CXADR: variants seen among roughly 807,000 people sequenced by gnomAD.
The protein encoded by CXADR is coxsackievirus and adenovirus receptor.
Under a neutral mutation model 40.3 loss-of-function variants are expected in CXADR, and 20 were observed. That is an observed-to-expected ratio of 0.50 (90% CI 0.35 to 0.72). The LOEUF (loss-of-function observed/expected upper bound fraction) is 0.72. CXADR is among the 30% of genes least tolerant of loss of function. The probability of loss-of-function intolerance (pLI) is 0.01; values close to 1 mark genes in which losing one functional copy is unlikely to be tolerated. For synonymous variants in CXADR, 150 were observed against 161.3 expected, an observed-to-expected ratio of 0.93 and a Z score of 0.53; for missense variants, 332 against 449.1, an observed-to-expected ratio of 0.74 and a Z score of 2.36.
chr21:17,599,016 G>C, the CXADR span: 1 of 496,328 alleles, frequency 2.0e-6, no homozygotes, highest in Non-Finnish European at 3.5e-6. Context: ...TTCTACTTCT[G>C]GTCTATTTAA....
At chr21:17,517,675 A>G (rs2123100214) in intron 1 of CXADR, among the ~76,000 whole-genome samples, 1 of 151,686 alleles carries the variant, frequency 6.6e-6, no homozygotes, top group South Asian at 2.1e-4. Context: ...TCGGGGAGAA[A>G]TAAAAAGTTG....
intron 1 of CXADR, among the ~76,000 whole-genome samples, chr21:17,535,746 C>T (rs2060746780): frequency 6.6e-6 from 1 of 152,192 alleles, no homozygotes; most frequent in African/African-American, 2.4e-5. Context: ...TTGGCTTACA[C>T]CTGTACTCCC....
chr21:17,514,691 T>G (rs1001440845), intron 1 of CXADR, among the ~76,000 whole-genome samples: 5 of 151,614 alleles, frequency 3.3e-5, no homozygotes, highest in Non-Finnish European at 7.4e-5. Flanking sequence ...TGGAGTGCAA[T>G]GGCGTGATCT....
chr21:17,560,880 CT>C, intron 5 of CXADR, 56 bp downstream of exon 5: 1 of 1,599,692 alleles, frequency 6.3e-7, no homozygotes, highest in African/African-American at 1.3e-5. Flanking sequence ...ATACCACCTC[CT>C]TTAGTTCAGT....
chr21:17,596,114 A>C (rs1200092681), downstream of CXADR, among the ~76,000 whole-genome samples: 2 of 151,958 alleles, frequency 1.3e-5, no homozygotes, highest in Non-Finnish European at 2.9e-5. Flanking sequence ...GGATATGCCC[A>C]TTATTTTTCA....
intron 7 of CXADR, among the ~76,000 whole-genome samples, chr21:17,591,843 C>G (rs1385114985): frequency 6.6e-6 from 1 of 151,896 alleles, no homozygotes; most frequent in African/African-American, 2.4e-5. Context: ...GTCATAATTA[C>G]TACTAAAAAA....
At chr21:17,633,654 A>C in the CXADR span, among the ~76,000 whole-genome samples, 1 of 152,322 alleles carries the variant, frequency 6.6e-6, no homozygotes, top group Non-Finnish European at 1.5e-5. Context: ...GCGTAATTAG[A>C]CAGCCTTTGT....
rs2061231232 is a variant in CXADR, at chr21:17,567,854, TTTCC to T, written c.*2169_*2172del. ...CATAGAAAGTGGACACGTATAAGACTTTCCTTCCTTTTTTTTTTTAATAACATAT... is the reference window on the plus strand; with the variant it reads ...CATAGAAAGTGGACACGTATAAGACTTTCCTTTTTTTTTTTAATAACATAT... On this transcript the variant is annotated 3_prime_UTR_variant, in exon 7 of 7. Coordinates refer to ENST00000284878, the MANE Select transcript of CXADR (RefSeq NM_001338.5). 4.3e-6 allele frequency: 4 copies of T among 933,604 alleles called. No individual in the cohort carries two copies. The highest frequency in any genetic ancestry group is 8.9e-5 in the Admixed American group (1 of 11,264). The allele number at this position is 933,604 out of a possible 1,614,324, so 57.8% of individuals were successfully genotyped here.
the CXADR span, among the ~76,000 whole-genome samples, chr21:17,634,029 C>T: frequency 3.9e-5 from 6 of 152,190 alleles, no homozygotes; most frequent in Non-Finnish European, 7.3e-5. Flanking sequence ...CTTACAACAA[C>T]GTGAGACTAG....
the CXADR span, chr21:17,605,113 T>C: frequency 5.2e-5 from 60 of 1,160,398 alleles, no homozygotes; most frequent in Non-Finnish European, 6.8e-5. Context: ...AATACCCTGG[T>C]AGAGAACCTA....
At chr21:17,545,817 T>C (rs1046436421) in intron 1 of CXADR, among the ~76,000 whole-genome samples, 63 of 151,342 alleles carry the variant, frequency 4.2e-4, no homozygotes, top group African/African-American at 1.4e-3. Context: ...TTCACTGTTA[T>C]TGCCCAGGCT....
intron 7 of CXADR, among the ~76,000 whole-genome samples, chr21:17,581,534 C>G (rs2061359490): frequency 6.6e-6 from 1 of 152,108 alleles, no homozygotes; most frequent in Non-Finnish European, 1.5e-5. Flanking sequence ...AGTTGAGCAT[C>G]TTTTTCTTTG....
chr21:17,592,359 GATA>G (rs1429376055), intron 7 of CXADR, among the ~76,000 whole-genome samples: 2 of 151,408 alleles, frequency 1.3e-5, no homozygotes, highest in African/African-American at 4.9e-5. Context: ...TTTAAATCTA[GATA>G]ATACCTAATG....
At position 17,568,743 on chromosome 21, in the gene CXADR, G is replaced by C. The variant is rs2824364; in HGVS notation, c.*3051G>C. 7,739 of 984,634 alleles carry C rather than the reference G, an allele frequency of 7.9e-3. 467 individuals carry two copies. The African/African-American group carries it at 0.13, about 16-fold the overall frequency. The allele number at this position is 984,634 out of a possible 1,614,324, so 61.0% of individuals were successfully genotyped here. A position where few individuals can be genotyped will look rare whatever the true frequency, so the allele number is the denominator to read the frequency against. On this transcript the variant is annotated 3_prime_UTR_variant, in exon 7 of 7. Transcript: ENST00000284878. ...TTACAGCTATTTTTTTTTCTTACTG[G>C]TAATCTTAACTAATATGATTCCCTT...
At chr21:17,514,347 A>G (rs988246602) in intron 1 of CXADR, among the ~76,000 whole-genome samples, 3 of 152,026 alleles carry the variant, frequency 2.0e-5, no homozygotes, top group Non-Finnish European at 4.4e-5. Flanking sequence ...TTCTATTAGC[A>G]AGTCTAATCT....
chr21:17,576,285 A>G (rs1427994604), intron 7 of CXADR, among the ~76,000 whole-genome samples: 1 of 151,752 alleles, frequency 6.6e-6, no homozygotes, highest in Non-Finnish European at 1.5e-5. Context: ...GGAGATAGCC[A>G]GCTCTGGTTC....
chr21:17,623,285 C>A, the CXADR span, among the ~76,000 whole-genome samples: 29,674 of 151,814 alleles, frequency 0.2, 3,479 homozygotes, highest in African/African-American at 0.31. Flanking sequence ...TTATTCTGGA[C>A]CCTTTATTTC....
In CXADR at chr21:17,513,059, GGC is replaced by G. The variant is rs2060410168; in HGVS notation, c.-67_-66del. 4 of 1,298,858 alleles carry G rather than the reference GGC, an allele frequency of 3.1e-6. No homozygotes were observed. Among genetic ancestry groups the G allele is most frequent in the Non-Finnish European group, 3.9e-6 (4 of 1,013,642 alleles). 80.5% of individuals were successfully genotyped at this position (1,298,858 alleles called of 1,614,324 possible). On this transcript the variant is annotated 5_prime_UTR_variant, in exon 1 of 7. Coordinates refer to ENST00000284878, the MANE Select transcript of CXADR (RefSeq NM_001338.5). ...CCGCGAGCCAGTCGGGAGCGCGCGA[GGC>G]GCGGGGAGCCTGGGACCAGGAGCGA...
the CXADR span, among the ~76,000 whole-genome samples, chr21:17,618,026 G>A: frequency 1.3e-5 from 2 of 152,142 alleles, no homozygotes; most frequent in Admixed American, 1.3e-4. Flanking sequence ...AATGTTCGTA[G>A]CATCTTCACT....
Sources: allele counts gnomAD v4.1 joint callset (sites outside exome capture counted in the v4.1 genomes callset), GRCh38; gene constraint gnomAD v4.1.1; transcripts MANE v1.5; gene names NCBI Gene and HGNC (gene_info 2026-07-23, HGNC 2026-07-21).